Variants in RALGAPB observed in about 807,000 individuals in gnomAD.
RALGAPB encodes Ral GTPase activating protein non-catalytic subunit beta, also known as ral GTPase-activating protein subunit beta.
Under a neutral mutation model 161.1 loss-of-function variants are expected in RALGAPB, and 25 were observed. That is an observed-to-expected ratio of 0.16 (90% confidence interval 0.11 to 0.22). RALGAPB has a LOEUF of 0.22. Among genes scored for constraint, RALGAPB ranks in the 10% least tolerant of loss-of-function variants. The pLI is 1.00. For synonymous variants in RALGAPB, 629 were observed against 626.1 expected, an observed-to-expected ratio of 1.00 and a Z score of -0.07; for missense variants, 1,391 against 1,815.2, an observed-to-expected ratio of 0.77 and a Z score of 4.25.
At chr20:38,567,275 A>G (rs573728528) in intron 26 of RALGAPB, 43 bp downstream of exon 26, 2 of 1,597,288 alleles carry the variant, frequency 1.3e-6, no homozygotes, top group South Asian at 2.3e-5. Context: ...TTGTAGTGAA[A>G]TCAGGGTAAT....
chr20:38,483,393 A>G (rs955507647), intron 1 of RALGAPB, among the ~76,000 whole-genome samples: 1 of 152,224 alleles, frequency 6.6e-6, no homozygotes, highest in Non-Finnish European at 1.5e-5. Context: ...AATAGTATAT[A>G]GAATTAATAT....
At chr20:38,514,908 T>C (rs992155624) in intron 6 of RALGAPB, among the ~76,000 whole-genome samples, 1 of 152,258 alleles carries the variant, frequency 6.6e-6, no homozygotes, top group Non-Finnish European at 1.5e-5. Context: ...CCCATTCTTA[T>C]TTCAAGTTTT....
intron 21 of RALGAPB, among the ~76,000 whole-genome samples, chr20:38,552,806 G>A (rs1020169003): frequency 6.6e-6 from 1 of 152,188 alleles, no homozygotes; most frequent in African/African-American, 2.4e-5. Context: ...CTATAGTGAA[G>A]TTATTTAACT....
rs372998383 is a variant in RALGAPB, at chr20:38,553,973, C to T, written c.3269C>T (p.Pro1090Leu). 2 of 1,613,490 alleles carry T rather than the reference C, an allele frequency of 1.2e-6. No homozygotes were observed. Among genetic ancestry groups the T allele is most frequent in the South Asian group, 1.1e-5 (1 of 91,060 alleles). The change falls in exon 22 of 30, where the codon CCT becomes CTT. Residue 1090 changes from proline to leucine, a missense_variant. Physicochemically the swap from Pro to Leu is moderately conservative, Grantham distance 98. Around this residue, in one of 3 missense-constraint regions of RALGAPB, gnomAD observed 436 missense variants for 527.0 expected, o/e 0.83. Coordinates refer to ENST00000262879, the MANE Select transcript of RALGAPB (RefSeq NM_020336.4). ...GAGGAATTGCAGAAGAGAAGTTTTC[C>T]TGACCCAGTTACGGATTGCAAGCCC... is the stretch of plus-strand genomic sequence containing the variant. ...SEEELQKRSF[P>L]DPVTDCKPPP...
intron 28 of RALGAPB, 78 bp downstream of exon 28, chr20:38,570,925 T>C: frequency 1.0e-6 from 1 of 987,656 alleles, no homozygotes; most frequent in South Asian, 1.5e-5. Flanking sequence ...TAAGGAATTA[T>C]GAAACGAAAG....
At chr20:38,499,660 C>A (rs768836494) in intron 5 of RALGAPB, 27 bp downstream of exon 5, 1 of 1,587,064 alleles carries the variant, frequency 6.3e-7, no homozygotes, top group East Asian at 2.3e-5. Context: ...GCCCTGCCTT[C>A]CTTCACCTGT....
At position 38,564,869 on chromosome 20, in the gene RALGAPB, CCCT is replaced by C. The variant is rs894432874; in HGVS notation, c.3698-479_3698-477del. 8.3e-4 allele frequency among the ~76,000 whole-genome samples: 126 copies of C among 151,728 alleles called. 1 individual carries two copies. Among genetic ancestry groups the C allele is most frequent in the Admixed American group, 4.5e-3 (68 of 15,196 alleles). ...TTCTTCTCTCTCTCTGTCTCTTCCT[CCCT>C]CCTCCTCCTCTTCCTCCTCCTCTTT... is the stretch of plus-strand genomic sequence containing the variant. On this transcript the variant is annotated intron_variant, in intron 24 of 29. Coordinates refer to ENST00000262879, the MANE Select transcript of RALGAPB (RefSeq NM_020336.4).
rs1169838682 is a variant in RALGAPB, at chr20:38,521,485, T to G, written c.1418-12T>G. 4 of 1,613,970 alleles carry G rather than the reference T, an allele frequency of 2.5e-6. No individual in the cohort carries two copies. The South Asian group carries it at 4.4e-5, about 18-fold the overall frequency. ...TTGCAAATATAATAAAACCCTCCTT[T>G]TCTCTCCCCAGCCATTACAACACAA... On this transcript the variant is annotated splice_polypyrimidine_tract_variant and intron_variant, in intron 9 of 29. Coordinates refer to ENST00000262879, the MANE Select transcript of RALGAPB (RefSeq NM_020336.4).
intron 1 of RALGAPB, among the ~76,000 whole-genome samples, chr20:38,485,286 A>G (rs922814751): frequency 2.0e-5 from 3 of 152,280 alleles, no homozygotes; most frequent in East Asian, 1.9e-4. Context: ...TAATACCAGC[A>G]GCTTGCCCTA....
At chr20:38,558,242 A>T in intron 22 of RALGAPB, 53 bp from the exon 23 acceptor site, 1 of 1,371,668 alleles carries the variant, frequency 7.3e-7, no homozygotes, top group East Asian at 2.6e-5. Context: ...TTTTATAATT[A>T]TAACAATGAA....
At chr20:38,556,323 G>A (rs370704910) in intron 22 of RALGAPB, among the ~76,000 whole-genome samples, 1 of 152,028 alleles carries the variant, frequency 6.6e-6, no homozygotes, top group Non-Finnish European at 1.5e-5. Context: ...ACCTTCCTGC[G>A]ATGATAAATT....
chr20:38,548,624 T>C (rs1280784611), intron 19 of RALGAPB, 65 bp from the exon 20 acceptor site: 5 of 1,290,836 alleles, frequency 3.9e-6, no homozygotes, highest in Non-Finnish European at 5.5e-6. Context: ...CTGCAGTTGA[T>C]AACAAGTTTA....
At chr20:38,569,377 G>A (rs2088141464) in intron 26 of RALGAPB, 1 of 155,520 alleles carries the variant, frequency 6.4e-6, no homozygotes, top group South Asian at 2.0e-4. Flanking sequence ...ACACTGCATG[G>A]TAATGAAGCC....
At chr20:38,545,192 A>G (rs2087122823) in intron 18 of RALGAPB, among the ~76,000 whole-genome samples, 1 of 152,186 alleles carries the variant, frequency 6.6e-6, no homozygotes, top group Non-Finnish European at 1.5e-5. Context: ...TCATCAGAGC[A>G]CTTCCTTCAG....
chr20:38,478,076 C>T (rs1156890378), intron 1 of RALGAPB, among the ~76,000 whole-genome samples: 1 of 152,156 alleles, frequency 6.6e-6, no homozygotes, highest in Non-Finnish European at 1.5e-5. Flanking sequence ...GAGCCGAGAT[C>T]GTGCCACTGC....
At chr20:38,496,513 T>C (rs1209229469) in intron 3 of RALGAPB, among the ~76,000 whole-genome samples, 2 of 152,190 alleles carry the variant, frequency 1.3e-5, no homozygotes, top group Non-Finnish European at 2.9e-5. Context: ...TACCACTTGC[T>C]AATACAATGG....
intron 19 of RALGAPB, chr20:38,547,869 A>G (rs1052015441): frequency 9.2e-5 from 14 of 152,106 alleles, no homozygotes; most frequent in African/African-American, 1.7e-4. Flanking sequence ...ACTCCAAGCC[A>G]TCTGCTGAGG....
At chr20:38,479,117 T>G (rs1176693168) in intron 1 of RALGAPB, among the ~76,000 whole-genome samples, 1 of 152,204 alleles carries the variant, frequency 6.6e-6, no homozygotes, top group Non-Finnish European at 1.5e-5. Flanking sequence ...TGAATACTAC[T>G]GTACCATGGT....
chr20:38,499,092 A>T (rs567317306), intron 4 of RALGAPB, among the ~76,000 whole-genome samples: 2 of 152,208 alleles, frequency 1.3e-5, no homozygotes, highest in Non-Finnish European at 1.5e-5. Flanking sequence ...GGTCATTTGT[A>T]TGAACTATTT....
Sources: gnomAD v4.1 joint callset for allele counts (sites outside exome capture counted in the v4.1 genomes callset) on GRCh38, gnomAD v4.1.1 for gene constraint, gnomAD v4.1.1 regional missense constraint, MANE v1.5 for transcripts, NCBI Gene and HGNC (gene_info 2026-07-23, HGNC 2026-07-21) for gene names.